GTF3C6: variants seen among roughly 807,000 people sequenced by gnomAD.
The protein encoded by GTF3C6 is general transcription factor 3C polypeptide 6.
In GTF3C6, 11 loss-of-function variants were observed where a neutral mutation model predicts 19.2. The observed-to-expected ratio is 0.57, with a 90% confidence interval of 0.36 to 0.95. The LOEUF is 0.95. Among genes scored for constraint, GTF3C6 ranks in the 40% least tolerant of loss-of-function variants. The pLI, the probability that GTF3C6 is intolerant of heterozygous loss-of-function variation, is 0.01. For synonymous variants in GTF3C6, 87 were observed against 84.2 expected, an observed-to-expected ratio of 1.03 and a Z score of -0.18; for missense variants, 222 against 254.7, an observed-to-expected ratio of 0.87 and a Z score of 0.87.
chr6:110,963,786 C>T (rs1771194367), intron 5 of GTF3C6, among the ~76,000 whole-genome samples: 1 of 150,416 alleles, frequency 6.6e-6, no homozygotes, highest in Non-Finnish European at 1.5e-5. Context: ...ACTGCAATCT[C>T]CACCTCTTGG....
rs775045960 is a variant in GTF3C6, at chr6:110,958,815, G to A, written c.46G>A (p.Glu16Lys). ...GCGGAGTCCAGAGGACGGAGAAGAC[G>A]AGGAAGAGGAGGTAGTAAGCGCTAC... ...DERSPEDGED[E>K]EEEEQLVLVE... The change falls in exon 1 of 6, where the codon GAG becomes AAG. Residue 16 changes from glutamate (E) to lysine (K), a missense_variant. By Grantham distance (56) the Glu-to-Lys change is moderately conservative. Coordinates refer to ENST00000329970, the MANE Select transcript of GTF3C6 (RefSeq NM_138408.4). 1 of 1,551,182 alleles carries A rather than the reference G, an allele frequency of 6.4e-7. No individual in the cohort carries two copies. The highest frequency in any genetic ancestry group is 2.0e-5 in the Admixed American group (1 of 50,980).
chr6:110,965,873 G>C (rs546664446), intron 5 of GTF3C6, among the ~76,000 whole-genome samples: 1 of 152,316 alleles, frequency 6.6e-6, no homozygotes, highest in East Asian at 1.9e-4. Flanking sequence ...CAGTTTCCGT[G>C]AATCAGGAAT....
chr6:110,959,291 C>T (rs1204931053), intron 2 of GTF3C6, 39 bp downstream of exon 2: 1 of 1,217,584 alleles, frequency 8.2e-7, no homozygotes, highest in Non-Finnish European at 1.2e-6. Context: ...TCTAGAGTGT[C>T]TTAAATGTAA....
intron 5 of GTF3C6, among the ~76,000 whole-genome samples, chr6:110,965,054 G>A (rs994772774): frequency 6.6e-6 from 1 of 150,572 alleles, no homozygotes; most frequent in Non-Finnish European, 1.5e-5. Flanking sequence ...GGCTGGTCTC[G>A]AACTCCCGAC....
At chr6:110,960,381 G>GTT (rs11354415) in intron 2 of GTF3C6, 33 bp from the exon 3 acceptor site, 532 of 1,432,278 alleles carry the variant, frequency 3.7e-4, no homozygotes, top group South Asian at 1.6e-3. Flanking sequence ...TTCTAATTAT[G>GTT]TTTTTTTTTT....
At chr6:110,963,153 AG>A (rs1771186857) in intron 5 of GTF3C6, among the ~76,000 whole-genome samples, 1 of 151,992 alleles carries the variant, frequency 6.6e-6, no homozygotes, top group African/African-American at 2.4e-5. Context: ...CCTGACCTCA[AG>A]TGATCCACCT....
In GTF3C6 at chr6:110,958,835, C is replaced by T. The variant is rs9374224; in HGVS notation, c.57+9C>T. On this transcript the variant is annotated intron_variant, in intron 1 of 5. Transcript: ENST00000329970. ...AAGACGAGGAAGAGGAGGTAGTAAG[C>T]GCTACGCCAAAAGCCTGCACCGCAG... The T allele has an allele frequency of 0.04, 62,599 of 1,550,670 alleles. 5,363 individuals carry two copies. In the East Asian group the frequency reaches 0.46, roughly 11 times the overall value.
rs756202096 is a variant in GTF3C6, at chr6:110,958,743, G to A, written c.-27G>A. 130 of 1,550,306 alleles carry A rather than the reference G, an allele frequency of 8.4e-5. No individual in the cohort carries two copies. In the Admixed American group the frequency reaches 2.1e-3, roughly 25 times the overall value. On this transcript the variant is annotated 5_prime_UTR_variant, in exon 1 of 6. The change abolishes the stop of an existing upstream ORF in the 5' untranslated region. Transcript: ENST00000329970. ...GCGGCTCCGGGCGGGCGTGGCCAGT[G>A]ACTAGAAGGCGAGGCGCCGCGGGAC...
chr6:110,965,253 G>C (rs1771216479), intron 5 of GTF3C6, among the ~76,000 whole-genome samples: 1 of 151,414 alleles, frequency 6.6e-6, no homozygotes, highest in African/African-American at 2.4e-5. Flanking sequence ...TGGGATTACA[G>C]TGATGAGTTC....
Position 110,958,763 on chromosome 6 carries a change from C to A in GTF3C6, c.-7C>A. 1 of 1,550,848 alleles carries A rather than the reference C, an allele frequency of 6.4e-7. No homozygotes were observed. The highest frequency in any genetic ancestry group is 8.7e-7 in the Non-Finnish European group (1 of 1,146,920). The stretch of plus-strand genomic sequence containing the variant: ...CCAGTGACTAGAAGGCGAGGCGCCG[C>A]GGGACCATGGCGGCGGCGGCGGACG... On this transcript the variant is annotated 5_prime_UTR_variant, in exon 1 of 6. Coordinates refer to ENST00000329970, the MANE Select transcript of GTF3C6 (RefSeq NM_138408.4).
intron 2 of GTF3C6, 72 bp downstream of exon 2, chr6:110,959,324 C>T (rs1771128055): frequency 1.1e-6 from 1 of 892,400 alleles, no homozygotes; most frequent in Admixed American, 2.0e-5. Context: ...TGGTGAAATA[C>T]CTATCCGCAA....
At chr6:110,965,950 C>T (rs1188937804) in intron 5 of GTF3C6, among the ~76,000 whole-genome samples, 2 of 152,154 alleles carry the variant, frequency 1.3e-5, no homozygotes, top group Non-Finnish European at 2.9e-5. Context: ...AAAATGTTAT[C>T]TAGGCTGCAG....
chr6:110,967,369 TAC>T, intron 5 of GTF3C6, 139 bp from the exon 6 acceptor site: 1 of 711,676 alleles, frequency 1.4e-6, no homozygotes, highest in Non-Finnish European at 2.3e-6. Context: ...TATCAGTAGT[TAC>T]AGACACCATA....
chr6:110,964,150 C>T (rs1174282188), intron 5 of GTF3C6, among the ~76,000 whole-genome samples: 3 of 152,096 alleles, frequency 2.0e-5, no homozygotes, highest in African/African-American at 2.4e-5. Flanking sequence ...TGTTGGCTCA[C>T]TGTGACCTCT....
chr6:110,967,603 T>G lies in GTF3C6; in HGVS notation c.455T>G (p.Val152Gly). The change falls in exon 6 of 6, where the codon GTG (valine) becomes GGG (glycine). Residue 152 changes from valine to glycine, a missense_variant. Transcript: ENST00000329970. ...NFLHENEDEE[V>G]VASAPDKSLE... is the part of the protein sequence containing the mutation. Reference sequence around the variant, plus strand: ...CTACATGAAAATGAAGACGAAGAAGTGGTAGCTTCAGCCCCAGATAAATCT... The same window carrying G: ...CTACATGAAAATGAAGACGAAGAAGGGGTAGCTTCAGCCCCAGATAAATCT... 1.9e-6 allele frequency: 3 copies of G among 1,613,998 alleles called. No individual in the cohort carries two copies. Among genetic ancestry groups the G allele is most frequent in the Non-Finnish European group, 2.5e-6 (3 of 1,179,964 alleles).
intron 5 of GTF3C6, among the ~76,000 whole-genome samples, chr6:110,963,686 C>T (rs1374926337): frequency 6.7e-6 from 1 of 149,178 alleles, no homozygotes; most frequent in South Asian, 2.1e-4. Context: ...AACAGGCTCA[C>T]ATCTGGAAAA....
In GTF3C6 at chr6:110,958,841, G is replaced by T; in HGVS notation, c.57+15G>T. ...AGGAAGAGGAGGTAGTAAGCGCTACGCCAAAAGCCTGCACCGCAGTGGCGG... is the reference window on the plus strand; with the variant it reads ...AGGAAGAGGAGGTAGTAAGCGCTACTCCAAAAGCCTGCACCGCAGTGGCGG... On this transcript the variant is annotated intron_variant, in intron 1 of 5. Transcript: ENST00000329970. 1 of 1,550,554 alleles carries T rather than the reference G, an allele frequency of 6.4e-7. No individual in the cohort carries two copies. Among genetic ancestry groups the T allele is most frequent in the Non-Finnish European group, 8.7e-7 (1 of 1,146,582 alleles).
Position 110,958,811 on chromosome 6 carries a change from A to C in GTF3C6, c.42A>C (p.Glu14Asp). The change falls in exon 1 of 6, where the codon GAA becomes GAC. Residue 14 changes from glutamate to aspartate, a missense_variant. Transcript: ENST00000329970. ...ACGAGCGGAGTCCAGAGGACGGAGA[A>C]GACGAGGAAGAGGAGGTAGTAAGCG... The part of the protein sequence containing the change: ...AADERSPEDG[E>D]DEEEEEQLVL... 6.4e-7 allele frequency: 1 copy of C among 1,551,200 alleles called. No homozygotes were observed. Among genetic ancestry groups the C allele is most frequent in the Non-Finnish European group, 8.7e-7 (1 of 1,146,926 alleles).
intron 5 of GTF3C6, 27 bp downstream of exon 5, chr6:110,962,532 G>C (rs1396418533): frequency 8.2e-7 from 1 of 1,226,858 alleles, no homozygotes; most frequent in East Asian, 2.3e-5. Context: ...TCTGAAAACA[G>C]GTGATCCAGT....
Sources: gnomAD v4.1 joint callset for allele counts (sites outside exome capture counted in the v4.1 genomes callset) on GRCh38, gnomAD v4.1.1 for gene constraint, MANE v1.5 for transcripts, NCBI Gene and HGNC (gene_info 2026-07-23, HGNC 2026-07-21) for gene names.